The following FGL1 variants were observed in gnomAD, a reference collection of about 807,000 sequenced individuals.
FGL1 encodes the protein fibrinogen-like protein 1.
In FGL1, 59 loss-of-function variants were observed where a neutral mutation model predicts 43.7. The observed-to-expected ratio is 1.35, with a 90% CI of 1.10 to 1.68. The LOEUF (loss-of-function observed/expected upper bound fraction) is 1.68. Ranked by LOEUF, FGL1 falls within the 40% of genes most tolerant of loss-of-function variation. The pLI, the probability that FGL1 is intolerant of heterozygous loss-of-function variation, is 0.00. For synonymous variants in FGL1, 192 were observed against 126.5 expected (o/e 1.52, Z -3.48); for missense variants, 596 against 373.0 (o/e 1.60, Z -4.92).
At chr8:17,869,524 G>C (rs2131696784) in intron 5 of FGL1, among the ~76,000 whole-genome samples, 1 of 152,236 alleles carries the variant, frequency 6.6e-6, no homozygotes, top group Middle Eastern at 3.4e-3. Context: ...AGATCAGCCA[G>C]GAAACCCTTT....
chr8:17,864,481 G>A lies in FGL1; in HGVS notation c.*111C>T. The A allele has an allele frequency of 8.7e-7, 1 of 1,151,216 alleles. No individual in the cohort carries two copies. 71.3% of individuals were successfully genotyped at this position (1,151,216 alleles called of 1,614,324 possible). A position where few individuals can be genotyped will look rare whatever the true frequency, so the allele number is the denominator to read the frequency against. ...CAAAGGCAAGTGAGAAGAATGAAAA[G>A]CACTACTCACAACAGTTATCATGAT... On this transcript the variant is annotated 3_prime_UTR_variant, in exon 8 of 8. Transcript: ENST00000427924.
chr8:17,867,465 A>G (rs1247275959), intron 7 of FGL1, among the ~76,000 whole-genome samples: 1 of 152,246 alleles, frequency 6.6e-6, no homozygotes, highest in Non-Finnish European at 1.5e-5. Context: ...TATAATATAC[A>G]TACCTATGAC....
At chr8:17,887,642 A>G (rs1209836170) in intron 1 of FGL1, among the ~76,000 whole-genome samples, 2 of 152,054 alleles carry the variant, frequency 1.3e-5, no homozygotes, top group African/African-American at 4.8e-5. Flanking sequence ...TGAGGCCAGC[A>G]TGGCCAACAT....
At chr8:17,889,032 G>T (rs1246753508) in intron 1 of FGL1, among the ~76,000 whole-genome samples, 1 of 152,062 alleles carries the variant, frequency 6.6e-6, no homozygotes, top group Non-Finnish European at 1.5e-5. Flanking sequence ...AGTAAGCGTA[G>T]TTCCACAAAG....
intron 3 of FGL1, among the ~76,000 whole-genome samples, chr8:17,875,514 T>C (rs374956672): frequency 0.094 from 1,209 of 12,906 alleles, 146 homozygotes; most frequent in African/African-American, 0.18. Flanking sequence ...TTTCTTTCTT[T>C]CTTTCTTTCT....
intron 7 of FGL1, 58 bp downstream of exon 7, chr8:17,868,490 A>G: frequency 7.9e-7 from 1 of 1,268,868 alleles, no homozygotes; most frequent in Non-Finnish European, 1.1e-6. Context: ...TTGATAATTA[A>G]TGTCTATCAG....
intron 1 of FGL1, among the ~76,000 whole-genome samples, chr8:17,886,074 C>G (rs867700109): frequency 6.6e-6 from 1 of 152,146 alleles, no homozygotes; most frequent in East Asian, 1.9e-4. Context: ...AAGCAAAGGT[C>G]ACACCTTGCT....
intron 2 of FGL1, among the ~76,000 whole-genome samples, chr8:17,884,295 G>A (rs1329331690): frequency 5.9e-5 from 9 of 152,042 alleles, no homozygotes; most frequent in African/African-American, 9.6e-5. Context: ...TGGTTCAAGC[G>A]ATTCTTGTGC....
At chr8:17,873,957 A>C in intron 5 of FGL1, 62 bp downstream of exon 5, 3 of 1,313,952 alleles carry the variant, frequency 2.3e-6, no homozygotes, top group Non-Finnish European at 3.1e-6. Context: ...ATTTGGTTAA[A>C]AAAAAATTTT....
intron 5 of FGL1, 105 bp from the exon 6 acceptor site, chr8:17,869,109 C>T: frequency 4.6e-6 from 3 of 645,876 alleles, no homozygotes; most frequent in Non-Finnish European, 7.8e-6. Flanking sequence ...TACCATTTCC[C>T]TTGGCCAAGA....
At position 17,868,573 on chromosome 8, in the gene FGL1, C is replaced by A; in HGVS notation, c.754G>T (p.Asp252Tyr). ...CTGTTAAACCACCAGCCAGACTGAT[C>A]TTCTTCTGCGCAGTTCCCTTCATAG... ...DNYEGNCAEE[D>Y]QSGWWFNRCH... Residue 252 changes from aspartate (D) to tyrosine (Y), a missense_variant, in exon 7 of 8, where the codon GAT (aspartate) becomes TAT (tyrosine). Coordinates refer to ENST00000427924, the MANE Select transcript of FGL1 (RefSeq NM_004467.4). 6.2e-7 allele frequency: 1 copy of A among 1,612,566 alleles called. No homozygotes were observed.
chr8:17,872,364 G>A (rs188329593), intron 5 of FGL1, among the ~76,000 whole-genome samples: 47 of 147,804 alleles, frequency 3.2e-4, no homozygotes, highest in Admixed American at 2.6e-3. Context: ...GTGGATTGGC[G>A]CAATCTTGGC....
Position 17,882,068 on chromosome 8 carries a change from C to A in FGL1, c.175G>T (p.Glu59Ter). 6.2e-7 allele frequency: 1 copy of A among 1,614,054 alleles called. No homozygotes were observed. The highest frequency in any genetic ancestry group is 8.5e-7 in the Non-Finnish European group (1 of 1,179,996). The change falls in exon 3 of 8, where the codon GAA becomes TAA. Residue 59 changes from glutamate (E) to a stop codon, truncating the protein, a stop_gained. Coordinates refer to ENST00000427924, the MANE Select transcript of FGL1 (RefSeq NM_004467.4). LOFTEE classifies it high-confidence loss of function. ...TCTCCTTTATCAAGGAACTGGACTT[C>A]ATTCTCCTGCAAAAGCTGCTTGATC... ...VKIKQLLQEN[E>*]VQFLDKGDEN...
At chr8:17,873,956 A>G (rs973500724) in intron 5 of FGL1, 63 bp downstream of exon 5, 4 of 1,292,664 alleles carry the variant, frequency 3.1e-6, no homozygotes, top group Non-Finnish European at 4.2e-6. Flanking sequence ...AATTTGGTTA[A>G]AAAAAAATTT....
chr8:17,882,245 C>G, intron 2 of FGL1, 66 bp from the exon 3 acceptor site: 1 of 1,410,220 alleles, frequency 7.1e-7, no homozygotes, highest in Non-Finnish European at 9.6e-7. Context: ...GCTTTTTAAA[C>G]ATTTGGATAA....
At chr8:17,880,135 A>G (rs2053513375) in intron 3 of FGL1, among the ~76,000 whole-genome samples, 1 of 152,196 alleles carries the variant, frequency 6.6e-6, no homozygotes. Context: ...GGCCATCTTC[A>G]GGCTATAGCC....
chr8:17,881,212 C>G (rs2053530620), intron 3 of FGL1, among the ~76,000 whole-genome samples: 1 of 150,692 alleles, frequency 6.6e-6, no homozygotes. Flanking sequence ...TCTTGGCTCA[C>G]TGCAACCTGC....
chr8:17,889,924 T>C (rs11778309), intron 1 of FGL1, among the ~76,000 whole-genome samples: 78,204 of 152,064 alleles, frequency 0.51, 22,987 homozygotes, highest in Non-Finnish European at 0.68. Context: ...AGGTTCAAAA[T>C]ATACTGTTTG....
chr8:17,875,558 T>TTTCTTTCTTTCTTTCTTTCTTTC (rs2053441292), intron 3 of FGL1, among the ~76,000 whole-genome samples: 1 of 18,522 alleles, frequency 5.4e-5, no homozygotes, highest in East Asian at 9.5e-4. Context: ...TCTTTCTTTC[T>TTTCTTTCTTTCTTTCTTTCTTTC]TTCTTTCTTT....
Sources: allele counts gnomAD v4.1 joint callset (sites outside exome capture counted in the v4.1 genomes callset), GRCh38; gene constraint gnomAD v4.1.1; transcripts MANE v1.5; gene names NCBI Gene and HGNC (gene_info 2026-07-23, HGNC 2026-07-21).